The following AHCYL2 variants were observed in gnomAD, a reference collection of about 807,000 sequenced individuals.
The protein encoded by AHCYL2 is S-adenosylhomocysteine hydrolase-like protein 2.
AHCYL2 carries 28 observed loss-of-function variants against 81.4 expected under a neutral mutation model. The observed-to-expected ratio is 0.34, with a 90% CI of 0.25 to 0.47. The LOEUF is 0.47. Among genes scored for constraint, AHCYL2 ranks in the 20% least tolerant of loss-of-function variants. The probability of loss-of-function intolerance (pLI) is 1.00; values close to 1 mark genes in which losing one functional copy is unlikely to be tolerated. For missense variants in AHCYL2, 551 were observed against 785.1 expected, an observed-to-expected ratio of 0.70 and a Z score of 3.56; for synonymous variants, 272 against 290.2, an observed-to-expected ratio of 0.94 and a Z score of 0.64.
chr7:129,262,260 A>G (rs1009917896), intron 1 of AHCYL2, among the ~76,000 whole-genome samples: 6 of 152,238 alleles, frequency 3.9e-5, no homozygotes, highest in Non-Finnish European at 7.3e-5. Context: ...TTAGAAAAAT[A>G]AGACAGGGAT....
At chr7:129,308,013 G>A (rs1318652379) in intron 1 of AHCYL2, among the ~76,000 whole-genome samples, 1 of 151,674 alleles carries the variant, frequency 6.6e-6, no homozygotes, top group Non-Finnish European at 1.5e-5. Flanking sequence ...GAAGAAAGGG[G>A]TCTCTTCTGA....
At chr7:129,266,998 G>A (rs1795831464) in intron 1 of AHCYL2, among the ~76,000 whole-genome samples, 1 of 151,476 alleles carries the variant, frequency 6.6e-6, no homozygotes. Context: ...ATGTTGTGGA[G>A]ACATAGTAAA....
intron 4 of AHCYL2, among the ~76,000 whole-genome samples, chr7:129,394,670 C>G (rs558537406): frequency 6.6e-6 from 1 of 152,114 alleles, no homozygotes; most frequent in African/African-American, 2.4e-5. Context: ...GTCTCAAACT[C>G]CCGACCCCAG....
chr7:129,405,584 T>C (rs2150939044), intron 8 of AHCYL2: 1 of 420,980 alleles, frequency 2.4e-6, no homozygotes. Context: ...ATGTATTTTA[T>C]TTAACCTTCC....
At chr7:129,357,776 T>C (rs1032065151) in intron 1 of AHCYL2, among the ~76,000 whole-genome samples, 17 of 151,172 alleles carry the variant, frequency 1.1e-4, no homozygotes, top group Non-Finnish European at 5.9e-5. Context: ...CTACTAAAAA[T>C]ACAAAAAATT....
intron 2 of AHCYL2, among the ~76,000 whole-genome samples, chr7:129,386,663 TC>T (rs1240857472): frequency 6.6e-6 from 1 of 152,140 alleles, no homozygotes; most frequent in African/African-American, 2.4e-5. Flanking sequence ...GGAATGCTTC[TC>T]TTAAGGGGAA....
intron 4 of AHCYL2, among the ~76,000 whole-genome samples, chr7:129,390,177 G>A (rs1470941834): frequency 6.6e-6 from 1 of 151,996 alleles, no homozygotes; most frequent in East Asian, 1.9e-4. Flanking sequence ...TTGACCAACT[G>A]CAGATCAAAA....
At chr7:129,326,939 G>A (rs115757135) in intron 1 of AHCYL2, among the ~76,000 whole-genome samples, 2,041 of 152,298 alleles carry the variant, frequency 0.013, 59 homozygotes, top group African/African-American at 0.046. Flanking sequence ...AAGGCTGTAA[G>A]CTGGGGAGTT....
intron 1 of AHCYL2, among the ~76,000 whole-genome samples, chr7:129,225,747 C>T (rs1001703451): frequency 6.6e-6 from 1 of 152,194 alleles, no homozygotes; most frequent in African/African-American, 2.4e-5. Context: ...CCAACACGCT[C>T]CCGGGTGTGA....
intron 1 of AHCYL2, among the ~76,000 whole-genome samples, chr7:129,297,668 A>AT (rs201167876): frequency 2.2e-3 from 329 of 151,230 alleles, no homozygotes; most frequent in East Asian, 5.0e-3. Flanking sequence ...TTTGAGAAGA[A>AT]TTTTTTTTTA....
intron 1 of AHCYL2, among the ~76,000 whole-genome samples, chr7:129,279,866 A>G (rs1350718820): frequency 6.6e-6 from 1 of 152,160 alleles, no homozygotes; most frequent in Non-Finnish European, 1.5e-5. Flanking sequence ...ATGCATTATC[A>G]TTAGCATATA....
intron 1 of AHCYL2, among the ~76,000 whole-genome samples, chr7:129,320,421 A>G (rs1436511616): frequency 6.6e-6 from 1 of 152,142 alleles, no homozygotes; most frequent in East Asian, 1.9e-4. Context: ...GGTTCAAGCG[A>G]TTCTCCTGTG....
chr7:129,274,290 A>G (rs1293293325), intron 1 of AHCYL2, among the ~76,000 whole-genome samples: 1 of 152,220 alleles, frequency 6.6e-6, no homozygotes, highest in East Asian at 1.9e-4. Flanking sequence ...ATCAGGAGGA[A>G]CTATACTGCA....
At chr7:129,420,888 C>T (rs1224388910) in intron 12 of AHCYL2, among the ~76,000 whole-genome samples, 1 of 152,046 alleles carries the variant, frequency 6.6e-6, no homozygotes, top group Admixed American at 6.6e-5. Flanking sequence ...AAAATGCAAA[C>T]ACTACAAATA....
rs368712857 is a variant in AHCYL2, at chr7:129,357,759, C to T, written c.364-21879C>T. ...ACCATGCTGGCTAACACGATGAAAC[C>T]GCATCTCTACTAAAAATACAAAAAA... On this transcript the variant is annotated intron_variant, in intron 1 of 16. Coordinates refer to ENST00000325006, the MANE Select transcript of AHCYL2 (RefSeq NM_015328.4). 1.2e-4 allele frequency among the ~76,000 whole-genome samples: 18 copies of T among 151,726 alleles called. No homozygotes were observed. The East Asian group carries it at 2.2e-3, about 18-fold the overall frequency.
intron 1 of AHCYL2, among the ~76,000 whole-genome samples, chr7:129,288,217 GT>G (rs1183194153): frequency 6.6e-6 from 1 of 151,998 alleles, no homozygotes; most frequent in Admixed American, 6.5e-5. Flanking sequence ...TTGTTTTGCA[GT>G]TTTTTGTTGT....
intron 1 of AHCYL2, among the ~76,000 whole-genome samples, chr7:129,362,049 G>A (rs1793947887): frequency 6.6e-6 from 1 of 152,258 alleles, no homozygotes; most frequent in Middle Eastern, 3.4e-3. Flanking sequence ...AGGCAGTTGA[G>A]TACTACTCTG....
At chr7:129,425,853 C>T (rs1478582515) in intron 15 of AHCYL2, among the ~76,000 whole-genome samples, 2 of 152,166 alleles carry the variant, frequency 1.3e-5, no homozygotes, top group African/African-American at 4.8e-5. Flanking sequence ...CAGCACAGTC[C>T]ATATTCTGAC....
chr7:129,292,351 C>T (rs1461760922), intron 1 of AHCYL2, among the ~76,000 whole-genome samples: 2 of 152,152 alleles, frequency 1.3e-5, no homozygotes, highest in African/African-American at 4.8e-5. Context: ...CAGCAGTTGT[C>T]ACAGCTGTGA....
Sources: gnomAD v4.1 joint callset for allele counts (sites outside exome capture counted in the v4.1 genomes callset) on GRCh38, gnomAD v4.1.1 for gene constraint, MANE v1.5 for transcripts, NCBI Gene and HGNC (gene_info 2026-07-23, HGNC 2026-07-21) for gene names.